The following SESN3 variants were observed in gnomAD, a reference collection of about 807,000 sequenced individuals.
SESN3 encodes the protein sestrin 3.
Under a neutral mutation model 55.3 loss-of-function variants are expected in SESN3, and 21 were observed. The ratio of observed to expected loss-of-function variants is 0.38; its 90% CI spans 0.27 to 0.55. SESN3 has a LOEUF of 0.55. Ranked by LOEUF, SESN3 falls within the 20% of genes least tolerant of loss-of-function variation. The pLI is 0.76. For synonymous variants in SESN3, 181 were observed against 203.1 expected, an observed-to-expected ratio of 0.89 and a Z score of 0.93; for missense variants, 408 against 604.3, an observed-to-expected ratio of 0.68 and a Z score of 3.41.
intron 1 of SESN3, among the ~76,000 whole-genome samples, chr11:95,204,427 TATTA>T (rs1860511193): frequency 1.3e-5 from 2 of 152,120 alleles, no homozygotes; most frequent in Non-Finnish European, 2.9e-5. Flanking sequence ...AAAGAAGAAT[TATTA>T]ATTCATTTGA....
In SESN3 at chr11:95,166,808, T is replaced by G. The variant is rs1466518569; in HGVS notation, c.*6447A>C. 1.3e-5 allele frequency: 2 copies of G among 152,194 alleles called. No homozygotes were observed. Among genetic ancestry groups the G allele is most frequent in the African/African-American group, 4.8e-5 (2 of 41,446 alleles). The allele number at this position is 152,194 out of a possible 1,614,324, so 9.4% of individuals were successfully genotyped here. The stretch of plus-strand genomic sequence containing the variant: ...TGCTTTCTATGTCTCTTATTTTGGG[T>G]TGAAAAGAGTAAATGTGAAGAGAAA... On this transcript the variant is annotated 3_prime_UTR_variant, in exon 10 of 10. Coordinates refer to ENST00000536441, the MANE Select transcript of SESN3 (RefSeq NM_144665.4).
chr11:95,175,763 C>G (rs567799837), intron 8 of SESN3, 121 bp from the exon 9 acceptor site: 8 of 805,060 alleles, frequency 9.9e-6, no homozygotes, highest in Non-Finnish European at 1.5e-5. Flanking sequence ...TTAATTGAAT[C>G]AACAAATGTT....
chr11:95,224,426 A>C (rs1385967270), intron 1 of SESN3: 1 of 427,110 alleles, frequency 2.3e-6, no homozygotes, highest in Non-Finnish European at 4.6e-6. Context: ...TCAGTGATAA[A>C]AAGAATGGTC....
At position 95,167,260 on chromosome 11, in the gene SESN3, G is replaced by A. The variant is rs1033273341; in HGVS notation, c.*5995C>T. The A allele has an allele frequency of 6.6e-6, 1 of 151,994 alleles. No individual in the cohort carries two copies. The highest frequency in any genetic ancestry group is 1.5e-5 in the Non-Finnish European group (1 of 67,984). 9.4% of individuals were successfully genotyped at this position (151,994 alleles called of 1,614,324 possible). A position where few individuals can be genotyped will look rare whatever the true frequency, so the allele number is the denominator to read the frequency against. The stretch of plus-strand genomic sequence containing the variant: ...AATTATACATTCATTTTTTTAAGAG[G>A]TTAACTTGAGGGGTGCAAGAAAATA... On this transcript the variant is annotated 3_prime_UTR_variant, in exon 10 of 10. Transcript: ENST00000536441.
chr11:95,230,677 G>C lies in SESN3; in HGVS notation c.78+106C>G, dbSNP rs1861039808. On this transcript the variant is annotated intron_variant, in intron 1 of 9. Transcript: ENST00000536441. This position sits in a 1 kb window ranked among gnomAD's most constrained non-coding sequence, Gnocchi z 4.6. ...CAGTCCCTGCGGAGGGACGGTGCCC[G>C]GGGATCCCTCTCAGCCTCCCCCAGT... 4 of 771,638 alleles carry C rather than the reference G, an allele frequency of 5.2e-6. No individual in the cohort carries two copies. The highest frequency in any genetic ancestry group is 8.5e-6 in the Non-Finnish European group (4 of 471,352). 47.8% of individuals were successfully genotyped at this position (771,638 alleles called of 1,614,324 possible).
intron 1 of SESN3, among the ~76,000 whole-genome samples, chr11:95,215,912 A>C (rs916875497): frequency 6.6e-6 from 1 of 151,536 alleles, no homozygotes. Flanking sequence ...TCCTGGCTAA[A>C]ACGGTGAAAC....
In SESN3 at chr11:95,177,790, G is replaced by A. The variant is rs1859985566; in HGVS notation, c.1176C>T (p.Thr392=). The A allele has an allele frequency of 6.2e-7, 1 of 1,610,510 alleles. No individual in the cohort carries two copies. The highest frequency in any genetic ancestry group is 1.3e-5 in the African/African-American group (1 of 74,534). Residue 392 remains threonine (T), a synonymous_variant, in exon 8 of 10, where the codon ACC becomes ACT. Coordinates refer to ENST00000536441, the MANE Select transcript of SESN3 (RefSeq NM_144665.4). ...GCATGGTTGTGTCAACATCCTCATG[G>A]GTGGCCATAGTGTTATATGTGAGAT... ...VYNLTYNTMA[T]HEDVDTTMLR...
chr11:95,227,350 C>T (rs1337168952), intron 1 of SESN3, among the ~76,000 whole-genome samples: 1 of 152,054 alleles, frequency 6.6e-6, no homozygotes, highest in Non-Finnish European at 1.5e-5. Flanking sequence ...GGACTACAGG[C>T]ACACGATTCC....
chr11:95,214,887 A>C (rs1465672948), intron 1 of SESN3, among the ~76,000 whole-genome samples: 2 of 152,196 alleles, frequency 1.3e-5, no homozygotes, highest in Non-Finnish European at 2.9e-5. Context: ...GATTTGTCGT[A>C]AACAAGCTTT....
intron 1 of SESN3, among the ~76,000 whole-genome samples, chr11:95,212,840 T>C (rs1381077393): frequency 6.6e-6 from 1 of 152,198 alleles, no homozygotes; most frequent in Non-Finnish European, 1.5e-5. Flanking sequence ...CATAGCTACT[T>C]TGGATATCTA....
At chr11:95,204,531 T>C (rs1210504133) in intron 1 of SESN3, among the ~76,000 whole-genome samples, 1 of 151,864 alleles carries the variant, frequency 6.6e-6, no homozygotes, top group Non-Finnish European at 1.5e-5. Flanking sequence ...AATGTGATGG[T>C]ATTAGGAGGT....
At chr11:95,173,921 G>GT (rs1859903694) in intron 9 of SESN3, among the ~76,000 whole-genome samples, 1 of 151,906 alleles carries the variant, frequency 6.6e-6, no homozygotes, top group African/African-American at 2.4e-5. Flanking sequence ...GTATCCACAA[G>GT]TTTTCAAAAT....
chr11:95,203,605 A>G (rs150030077), intron 1 of SESN3: 2 of 152,330 alleles, frequency 1.3e-5, no homozygotes, highest in East Asian at 3.9e-4. Context: ...GCATGAAGAC[A>G]TCATTTCTGC....
chr11:95,194,138 A>ATT (rs575196384), intron 1 of SESN3, among the ~76,000 whole-genome samples: 79 of 151,444 alleles, frequency 5.2e-4, no homozygotes, highest in African/African-American at 1.9e-3. Flanking sequence ...CTGAATGCTG[A>ATT]TTTTTTTTTA....
intron 4 of SESN3, among the ~76,000 whole-genome samples, chr11:95,187,024 T>C (rs566537131): frequency 6.6e-6 from 1 of 152,044 alleles, no homozygotes; most frequent in East Asian, 1.9e-4. Context: ...ATTTTCAAAT[T>C]TGACATTTTG....
In SESN3 at chr11:95,172,892, T is replaced by TAA; in HGVS notation, c.*361_*362dup. 5.7e-5 allele frequency: 9 copies of TAA among 159,058 alleles called. No homozygotes were observed. Among genetic ancestry groups the TAA allele is most frequent in the East Asian group, 3.1e-4 (2 of 6,480 alleles). 9.9% of individuals were successfully genotyped at this position (159,058 alleles called of 1,614,324 possible). A position where few individuals can be genotyped will look rare whatever the true frequency, so the allele number is the denominator to read the frequency against. ...GATTGTAAGCACTTGTCCTTATTCT[T>TAA]AAAAAAAAAAGGGCGGGGTGGGGGG... On this transcript the variant is annotated 3_prime_UTR_variant, in exon 10 of 10. Coordinates refer to ENST00000536441, the MANE Select transcript of SESN3 (RefSeq NM_144665.4).
At chr11:95,208,614 T>G (rs893950373) in intron 1 of SESN3, among the ~76,000 whole-genome samples, 1 of 151,354 alleles carries the variant, frequency 6.6e-6, no homozygotes, top group African/African-American at 2.4e-5. Flanking sequence ...ATAGCCAAGA[T>G]GATCCTAAGC....
rs923640173 is a variant in SESN3 at position 95,166,904 on chromosome 11, T to C, written c.*6351A>G. The C allele has an allele frequency of 2.6e-5, 4 of 152,198 alleles. No homozygotes were observed. Among genetic ancestry groups the C allele is most frequent in the Non-Finnish European group, 5.9e-5 (4 of 68,034 alleles). The allele number at this position is 152,198 out of a possible 1,614,324, so 9.4% of individuals were successfully genotyped here. A position where few individuals can be genotyped will look rare whatever the true frequency, so the allele number is the denominator to read the frequency against. On this transcript the variant is annotated 3_prime_UTR_variant, in exon 10 of 10. Coordinates refer to ENST00000536441, the MANE Select transcript of SESN3 (RefSeq NM_144665.4). Reference sequence around the variant, plus strand: ...GCAAAGGAAATATCTGCACTAGATATATAGTTTGGATCACTTTCCTTGGTG... The same window carrying C: ...GCAAAGGAAATATCTGCACTAGATACATAGTTTGGATCACTTTCCTTGGTG...
At chr11:95,221,275 G>C (rs538198491) in intron 1 of SESN3, among the ~76,000 whole-genome samples, 156 of 152,174 alleles carry the variant, frequency 1.0e-3, no homozygotes, top group African/African-American at 3.4e-3. Context: ...CTGCACTCCA[G>C]CCTGGGTGAC....
Sources: gnomAD v4.1 joint callset for allele counts (sites outside exome capture counted in the v4.1 genomes callset) on GRCh38, gnomAD v4.1.1 for gene constraint, Gnocchi (gnomAD v3.1) non-coding constraint, MANE v1.5 for transcripts, NCBI Gene and HGNC (gene_info 2026-07-23, HGNC 2026-07-21) for gene names.